ZMYM6: variants seen among roughly 807,000 people sequenced by gnomAD.
The protein encoded by ZMYM6 is zinc finger MYM-type containing 6, also known as zinc finger MYM-type protein 6.
ZMYM6 carries 90 observed loss-of-function variants against 134.0 expected under a neutral mutation model. That is an observed-to-expected ratio of 0.67 (90% CI 0.57 to 0.80). The LOEUF (loss-of-function observed/expected upper bound fraction) is 0.80. ZMYM6 is among the 30% of genes least tolerant of loss of function. The pLI, the probability that ZMYM6 is intolerant of heterozygous loss-of-function variation, is 0.00. For missense variants in ZMYM6, 1,362 were observed against 1,533.9 expected (o/e 0.89, Z 1.87); for synonymous variants, 481 against 524.1 (o/e 0.92, Z 1.12).
intron 15 of ZMYM6, chr1:34,990,356 G>C (rs542279074): frequency 4.4e-6 from 1 of 224,878 alleles, no homozygotes; most frequent in South Asian, 4.6e-5. Flanking sequence ...GGTGGCAGGT[G>C]CCTGTAATCC....
At position 35,013,680 on chromosome 1, in the gene ZMYM6, T is replaced by C. The variant is rs368857761; in HGVS notation, c.795+1017A>G. On this transcript the variant is annotated intron_variant, in intron 6 of 15. Transcript: ENST00000357182. Reference sequence around the variant, plus strand: ...AATTATCATTTACAAGATACATCTTTGTTTTTTTTTTTTGTTTGTTTGTTT... The same window carrying C: ...AATTATCATTTACAAGATACATCTTCGTTTTTTTTTTTTGTTTGTTTGTTT... 4.1e-6 allele frequency: 4 copies of C among 982,856 alleles called. No individual in the cohort carries two copies. In the African/African-American group the frequency reaches 5.2e-5, roughly 13 times the overall value. The allele number at this position is 982,856 out of a possible 1,614,324, so 60.9% of individuals were successfully genotyped here.
intron 2 of ZMYM6, among the ~76,000 whole-genome samples, chr1:35,026,061 T>C (rs1307773579): frequency 6.6e-6 from 1 of 152,084 alleles, no homozygotes; most frequent in Admixed American, 6.6e-5. Context: ...CCCTTTGTCG[T>C]CCAGATTGGA....
rs1248549987 is a variant in ZMYM6 at position 34,986,615 on chromosome 1, CAGG to C, written c.*486_*488del. ...ACCCCAGCTACTTGGAAGGCTGAGG[CAGG>C]AGAATTGTTTGAACCTAGGAGGCAG... On this transcript the variant is annotated 3_prime_UTR_variant, in exon 16 of 16. Transcript: ENST00000357182. 6.6e-6 allele frequency: 1 copy of C among 152,358 alleles called. No homozygotes were observed. The highest frequency in any genetic ancestry group is 6.5e-5 in the Admixed American group (1 of 15,286). The allele number at this position is 152,358 out of a possible 1,614,324, so 9.4% of individuals were successfully genotyped here.
At chr1:35,030,345 TC>T (rs1459480452) in intron 2 of ZMYM6, 7 of 545,850 alleles carry the variant, frequency 1.3e-5, no homozygotes, top group Non-Finnish European at 6.4e-6. Context: ...GGTGGGAAGA[TC>T]ACTTGAGCCT....
Position 34,987,986 on chromosome 1 carries a change from C to G in ZMYM6, c.3096G>C (p.Gln1032His). The G allele has an allele frequency of 1.7e-5, 26 of 1,551,292 alleles. No individual in the cohort carries two copies. The highest frequency in any genetic ancestry group is 2.1e-5 in the Non-Finnish European group (24 of 1,146,872). The change falls in exon 16 of 16, where the codon CAG becomes CAC. Residue 1032 changes from glutamine (Q) to histidine (H), a missense_variant. Coordinates refer to ENST00000357182, the MANE Select transcript of ZMYM6 (RefSeq NM_007167.4). ...LSPCLHKILLQSAQILSFIKS... is the reference protein window; with the variant it reads ...LSPCLHKILLHSAQILSFIKS... ...TTATAAAACTTAAAATTTGTGCTGA[C>G]TGCAAAAGAATTTTATGTAAACATG...
intron 14 of ZMYM6, among the ~76,000 whole-genome samples, chr1:35,001,819 C>T (rs767508993): frequency 1.3e-5 from 2 of 151,994 alleles, no homozygotes; most frequent in Non-Finnish European, 2.9e-5. Flanking sequence ...GAGAGAGTTA[C>T]GAGACACTAA....
chr1:35,006,411 G>C (rs1366352078), intron 12 of ZMYM6, among the ~76,000 whole-genome samples: 2 of 152,158 alleles, frequency 1.3e-5, no homozygotes, highest in Non-Finnish European at 2.9e-5. Flanking sequence ...GACCATATTA[G>C]CTGTCCTACT....
At chr1:34,991,283 G>A (rs868714237) in intron 15 of ZMYM6, among the ~76,000 whole-genome samples, 2 of 151,976 alleles carry the variant, frequency 1.3e-5, no homozygotes, top group African/African-American at 2.4e-5. Context: ...ATGTGTGAAC[G>A]TGTATATAAT....
intron 10 of ZMYM6, among the ~76,000 whole-genome samples, chr1:35,009,399 C>A (rs970814247): frequency 9.2e-5 from 14 of 152,188 alleles, no homozygotes; most frequent in African/African-American, 3.1e-4. Context: ...GCCACTGCGC[C>A]CTGCCACCAC....
intron 2 of ZMYM6, among the ~76,000 whole-genome samples, chr1:35,026,395 A>T (rs1047949755): frequency 6.6e-6 from 1 of 152,210 alleles, no homozygotes; most frequent in Non-Finnish European, 1.5e-5. Context: ...TTTATCTCTT[A>T]TTTTCCAATA....
At chr1:34,995,648 A>G (rs1308196576) in intron 14 of ZMYM6, among the ~76,000 whole-genome samples, 1 of 152,196 alleles carries the variant, frequency 6.6e-6, no homozygotes. Flanking sequence ...TATGCTAGAC[A>G]GAGATGATTT....
At position 35,010,941 on chromosome 1, in the gene ZMYM6, C is replaced by T. The variant is rs1443681867; in HGVS notation, c.1158G>A (p.Val386=). The T allele has an allele frequency of 1.2e-6, 2 of 1,612,456 alleles. No individual in the cohort carries two copies. The highest frequency in any genetic ancestry group is 2.7e-5 in the African/African-American group (2 of 74,852). ...VVSPPSSRSA[V]SIGGGNTSAV... ...CAGAGGTGTTACCTCCTCCTATTGACACTGCTGACCTGGAGGAGGGCGGGC... is the reference window on the plus strand; with the variant it reads ...CAGAGGTGTTACCTCCTCCTATTGATACTGCTGACCTGGAGGAGGGCGGGC... The change falls in exon 9 of 16, where the codon GTG becomes GTA. Residue 386 remains valine, a synonymous_variant. Transcript: ENST00000357182.
chr1:35,019,715 C>T, intron 3 of ZMYM6, 113 bp from the exon 4 acceptor site: 1 of 1,291,586 alleles, frequency 7.7e-7, no homozygotes, highest in Non-Finnish European at 1.0e-6. Flanking sequence ...CACTGTCACC[C>T]AGGCTGGAGT....
rs1437884631 is a variant in ZMYM6, at chr1:35,014,972, G to A, written c.603+16C>T. ...CTCTTTCAGCAGAATCCCAATAAAA[G>A]TAAAATGTAACTTACATCAGCATTC... On this transcript the variant is annotated intron_variant, in intron 5 of 15. Transcript: ENST00000357182. The A allele has an allele frequency of 6.2e-6, 10 of 1,609,848 alleles. 1 individual carries two copies. The South Asian group carries it at 1.1e-4, about 18-fold the overall frequency.
At chr1:35,021,085 G>C (rs773354298) in intron 2 of ZMYM6, among the ~76,000 whole-genome samples, 36 of 149,934 alleles carry the variant, frequency 2.4e-4, no homozygotes, top group Non-Finnish European at 4.1e-4. Context: ...TTTAGGTAGT[G>C]TGTTTAAAAG....
intron 4 of ZMYM6, chr1:35,019,139 A>T: frequency 1.5e-6 from 1 of 646,686 alleles, no homozygotes; most frequent in Non-Finnish European, 2.6e-6. Flanking sequence ...AGTAAAATTT[A>T]AAGTGATAGA....
intron 11 of ZMYM6, among the ~76,000 whole-genome samples, chr1:35,007,819 G>C (rs887082475): frequency 1.3e-5 from 2 of 151,858 alleles, no homozygotes; most frequent in Non-Finnish European, 2.9e-5. Context: ...CTGTCTGGCT[G>C]GGGGATGGGG....
intron 14 of ZMYM6, among the ~76,000 whole-genome samples, chr1:34,994,358 G>A (rs1640739264): frequency 6.6e-6 from 1 of 152,176 alleles, no homozygotes; most frequent in Non-Finnish European, 1.5e-5. Context: ...TCTGAGCAGA[G>A]ACCTTTTGAA....
chr1:35,015,241 CACTT>C (rs1288666559), intron 4 of ZMYM6, 79 bp from the exon 5 acceptor site: 35 of 1,352,836 alleles, frequency 2.6e-5, no homozygotes, highest in Admixed American at 2.2e-4. Context: ...GGTGAAATAA[CACTT>C]ACTAAGGGCA....
Sources: gnomAD v4.1 joint callset for allele counts (sites outside exome capture counted in the v4.1 genomes callset) on GRCh38, gnomAD v4.1.1 for gene constraint, MANE v1.5 for transcripts, NCBI Gene and HGNC (gene_info 2026-07-23, HGNC 2026-07-21) for gene names.